ZFHX3: variants seen among roughly 807,000 people sequenced by gnomAD.
ZFHX3 encodes zinc finger homeobox protein 3.
A neutral mutation model predicts 279.1 loss-of-function variants in ZFHX3; 42 were observed. The ratio of observed to expected loss-of-function variants is 0.15; its 90% CI spans 0.12 to 0.19. The LOEUF is 0.19. Among genes scored for constraint, ZFHX3 ranks in the 10% least tolerant of loss-of-function variants. ZFHX3 has a pLI of 1.00. For missense variants in ZFHX3, 4,981 were observed against 4,754.0 expected (o/e 1.05, Z -1.40); for synonymous variants, 2,293 against 1,957.8 (o/e 1.17, Z -4.52).
chr16:72,789,762 AG>A (rs1205433990), intron 9 of ZFHX3: 21 of 152,268 alleles, frequency 1.4e-4, no homozygotes, highest in African/African-American at 3.9e-4. Flanking sequence ...ATAACCGCCT[AG>A]GAATAGGAAT....
chr16:73,649,277 A>G (rs930652135), intron 2 of ZFHX3, among the ~76,000 whole-genome samples: 1 of 152,158 alleles, frequency 6.6e-6, no homozygotes, highest in African/African-American at 2.4e-5. Context: ...AATGTCTTAG[A>G]AAAGACTTCT....
intron 1 of ZFHX3, among the ~76,000 whole-genome samples, chr16:73,789,276 G>C (rs552538816): frequency 6.6e-6 from 1 of 151,862 alleles, no homozygotes; most frequent in South Asian, 2.1e-4. Flanking sequence ...CGCCTCCCAG[G>C]TTCAAGCGAT....
rs1016383334 is a variant in ZFHX3, at chr16:73,630,655, G to A, written c.-1547+49525C>T. On this transcript the variant is annotated intron_variant, in intron 2 of 17. Coordinates refer to the ZFHX3 transcript ENST00000641206. ...TTTAAAGTTGTATTTCCACCAAGTT[G>A]TGACATAAGAGAACAACAGTCAGGA... Among the ~76,000 whole-genome samples the A allele has an allele frequency of 9.2e-5, 14 of 152,296 alleles. No homozygotes were observed. In the East Asian group the frequency reaches 1.2e-3, roughly 13 times the overall value.
At chr16:73,442,181 G>A (rs938906297) in intron 3 of ZFHX3, among the ~76,000 whole-genome samples, 1 of 152,184 alleles carries the variant, frequency 6.6e-6, no homozygotes, top group African/African-American at 2.4e-5. Flanking sequence ...CAAAGGGAAG[G>A]AGGAGCCTGG....
chr16:72,850,476 G>C (rs2037588745), intron 4 of ZFHX3, among the ~76,000 whole-genome samples: 1 of 152,240 alleles, frequency 6.6e-6, no homozygotes, highest in Non-Finnish European at 1.5e-5. Flanking sequence ...TCACTGTAGA[G>C]TCGAAGTTGG....
At chr16:72,939,843 T>C (rs903383335) in intron 3 of ZFHX3, among the ~76,000 whole-genome samples, 1 of 152,122 alleles carries the variant, frequency 6.6e-6, no homozygotes, top group Non-Finnish European at 1.5e-5. Flanking sequence ...AGTGCTGTGA[T>C]CATGGCTCAC....
intron 5 of ZFHX3, among the ~76,000 whole-genome samples, chr16:72,819,696 T>C (rs2036727422): frequency 6.6e-6 from 1 of 152,186 alleles, no homozygotes; most frequent in Admixed American, 6.5e-5. Flanking sequence ...TAAATGGCTC[T>C]GATGACATGA....
At position 73,138,786 on chromosome 16, in the gene ZFHX3, C is replaced by T. The variant is rs796447236; in HGVS notation, c.-1024+4966G>A. 5.3e-5 allele frequency among the ~76,000 whole-genome samples: 8 copies of T among 152,272 alleles called. 1 individual carries two copies. Among genetic ancestry groups the T allele is most frequent in the African/African-American group, 1.9e-4 (8 of 41,574 alleles). On this transcript the variant is annotated intron_variant, in intron 6 of 17. Coordinates refer to the ZFHX3 transcript ENST00000641206. ...CACTGCAGCCTGGACTGCCCAGGCT[C>T]AAGTGATCCTCCCACCTCAGCCTCC...
chr16:73,201,967 C>T (rs762330113), intron 5 of ZFHX3, among the ~76,000 whole-genome samples: 13 of 152,174 alleles, frequency 8.5e-5, no homozygotes, highest in African/African-American at 1.2e-4. Flanking sequence ...TTAACACAAT[C>T]CACAAATGAT....
intron 1 of ZFHX3, chr16:73,014,553 C>T (rs1358833212): frequency 9.6e-6 from 1 of 103,786 alleles, no homozygotes; most frequent in Admixed American, 1.4e-4. Flanking sequence ...TTTTGAGACA[C>T]AGTCTCGCTC....
chr16:72,963,245 G>T (rs1961670871), intron 1 of ZFHX3, among the ~76,000 whole-genome samples: 1 of 152,066 alleles, frequency 6.6e-6, no homozygotes, highest in African/African-American at 2.4e-5. Context: ...TAGTGCCAGG[G>T]CTAGCTGGTA....
chr16:73,315,693 G>T (rs900667362), intron 4 of ZFHX3, among the ~76,000 whole-genome samples: 7 of 152,200 alleles, frequency 4.6e-5, no homozygotes, highest in African/African-American at 1.7e-4. Flanking sequence ...AAAAAGCAAG[G>T]TTAGCAAAAG....
At chr16:73,426,952 C>T (rs566967427) in intron 3 of ZFHX3, among the ~76,000 whole-genome samples, 3 of 152,212 alleles carry the variant, frequency 2.0e-5, no homozygotes, top group East Asian at 3.9e-4. Flanking sequence ...GTGTAATTTA[C>T]GGGGTCCAGT....
rs143764499 is a variant in ZFHX3 at position 73,732,618 on chromosome 16, G to A, written c.-1607-52378C>T. 2.6e-4 allele frequency among the ~76,000 whole-genome samples: 39 copies of A among 152,328 alleles called. No individual in the cohort carries two copies. The East Asian group carries it at 7.3e-3, about 29-fold the overall frequency. On this transcript the variant is annotated intron_variant, in intron 1 of 17. Coordinates refer to the ZFHX3 transcript ENST00000641206. Reference sequence around the variant, plus strand: ...CTTTGTGCTTCTAGCTTCTGCTATGGTATTTGTCTAGTTATGGATGACAGA... The same window carrying A: ...CTTTGTGCTTCTAGCTTCTGCTATGATATTTGTCTAGTTATGGATGACAGA...
intron 1 of ZFHX3, among the ~76,000 whole-genome samples, chr16:73,735,936 C>G (rs13335386): frequency 0.076 from 8,684 of 114,898 alleles, 330 homozygotes; most frequent in African/African-American, 0.12. Context: ...AAGGTTGGTG[C>G]ACCTGGTTGA....
At chr16:73,148,256 G>A (rs536099657) in intron 5 of ZFHX3, among the ~76,000 whole-genome samples, 1 of 151,862 alleles carries the variant, frequency 6.6e-6, no homozygotes, top group South Asian at 2.1e-4. Flanking sequence ...TGCCAGCCCT[G>A]ACCTACAACA....
chr16:73,022,968 C>T (rs969371793), intron 1 of ZFHX3, among the ~76,000 whole-genome samples: 50 of 152,200 alleles, frequency 3.3e-4, no homozygotes, highest in African/African-American at 1.2e-3. Context: ...TGTCTCACGC[C>T]TGTAATCCCA....
At chr16:72,981,438 T>G (rs188768813) in intron 1 of ZFHX3, among the ~76,000 whole-genome samples, 7 of 152,372 alleles carry the variant, frequency 4.6e-5, no homozygotes, top group Admixed American at 3.3e-4. Context: ...AAGCCTCCAC[T>G]TCTTGACTCA....
chr16:73,716,635 ACACACACACACACACGCATG>A (rs746095225), intron 1 of ZFHX3, among the ~76,000 whole-genome samples: 3,480 of 145,164 alleles, frequency 0.024, 64 homozygotes, highest in Non-Finnish European at 0.038. Flanking sequence ...ACACACACAC[ACACACACACACACACGCATG>A]CACGCACGCA....
Sources: gnomAD v4.1 joint callset for allele counts (sites outside exome capture counted in the v4.1 genomes callset) on GRCh38, gnomAD v4.1.1 for gene constraint, MANE v1.5 for transcripts, NCBI Gene and HGNC (gene_info 2026-07-23, HGNC 2026-07-21) for gene names.